COL12A1: variants seen among roughly 807,000 people sequenced by gnomAD.
COL12A1 encodes the protein collagen alpha-1(XII) chain.
Under a neutral mutation model 349.7 loss-of-function variants are expected in COL12A1, and 114 were observed. The observed-to-expected ratio is 0.33, with a 90% CI of 0.28 to 0.38. The LOEUF (loss-of-function observed/expected upper bound fraction) is 0.38, where lower values mean the gene tolerates loss of function less well. Ranked by LOEUF, COL12A1 falls within the 10% of genes least tolerant of loss-of-function variation. The pLI is 1.00. For missense variants in COL12A1, 3,284 were observed against 3,756.9 expected (o/e 0.87, Z 3.29); for synonymous variants, 1,369 against 1,329.0 (o/e 1.03, Z -0.66).
intron 16 of COL12A1, 132 bp from the exon 17 acceptor site, chr6:75,154,669 T>A: frequency 1.2e-6 from 1 of 833,642 alleles, no homozygotes; most frequent in East Asian, 3.1e-5. Flanking sequence ...GTGTACAACA[T>A]TATAAGAGAA....
In COL12A1 at chr6:75,137,439, T is replaced by A; in HGVS notation, c.5392A>T (p.Thr1798Ser). ...QPSTGEGNEQ[T>S]TTIGGRQNSV... ...TATAATTTTTATTAAAAAATTACCG[T>A]TTGCTCATTGCCTTCCCCTGTGGAA... The change falls in exon 31 of 66, where the codon ACG (threonine) becomes TCG (serine). Residue 1798 changes from threonine to serine, a missense_variant and splice_region_variant. By Grantham distance (58) the Thr-to-Ser change is moderately conservative (BLOSUM62 1). This residue lies in a region of COL12A1 where 2,601 missense variants were observed against 2,824.8 expected (regional missense o/e 0.92). Coordinates refer to ENST00000322507, the MANE Select transcript of COL12A1 (RefSeq NM_004370.6). 6.3e-7 allele frequency: 1 copy of A among 1,585,248 alleles called. No homozygotes were observed. Among genetic ancestry groups the A allele is most frequent in the Non-Finnish European group, 8.5e-7 (1 of 1,170,726 alleles).
intron 27 of COL12A1, 42 bp from the exon 28 acceptor site, chr6:75,139,003 A>G: frequency 6.2e-7 from 1 of 1,607,970 alleles, no homozygotes; most frequent in Non-Finnish European, 8.5e-7. Context: ...TTTGAATGTG[A>G]GCTGCAAATG....
intron 63 of COL12A1, among the ~76,000 whole-genome samples, chr6:75,089,416 T>C (rs1293151731): frequency 6.6e-6 from 1 of 152,226 alleles, no homozygotes; most frequent in Non-Finnish European, 1.5e-5. Context: ...CAAACAAACA[T>C]GTCTAATATA....
At position 75,148,517 on chromosome 6, in the gene COL12A1, G is replaced by T. The variant is rs1767317341; in HGVS notation, c.4148-20C>A. 3 of 1,603,156 alleles carry T rather than the reference G, an allele frequency of 1.9e-6. No homozygotes were observed. Among genetic ancestry groups the T allele is most frequent in the East Asian group, 2.2e-5 (1 of 44,750 alleles). Reference sequence around the variant, plus strand: ...AATCACCTACACATGGAAATAAAGGGTATACACTTTTCTCATTATTGTAGA... The same window carrying T: ...AATCACCTACACATGGAAATAAAGGTTATACACTTTTCTCATTATTGTAGA... On this transcript the variant is annotated intron_variant, in intron 21 of 65. Coordinates refer to ENST00000322507, the MANE Select transcript of COL12A1 (RefSeq NM_004370.6).
At chr6:75,178,388 T>C (rs984965963) in intron 11 of COL12A1, among the ~76,000 whole-genome samples, 2 of 152,188 alleles carry the variant, frequency 1.3e-5, no homozygotes, top group Middle Eastern at 3.2e-3. Flanking sequence ...CCAAACCGTC[T>C]TATCCAGTCC....
intron 2 of COL12A1, among the ~76,000 whole-genome samples, chr6:75,200,929 G>T (rs2149490637): frequency 1.3e-5 from 2 of 148,558 alleles, no homozygotes; most frequent in Admixed American, 1.3e-4. Flanking sequence ...TACAAGAAAA[G>T]ACACAGATTA....
intron 31 of COL12A1, 54 bp downstream of exon 31, chr6:75,137,382 GT>G (rs1252272677): frequency 1.4e-5 from 21 of 1,476,394 alleles, no homozygotes; most frequent in Non-Finnish European, 1.8e-5. Context: ...GGGAAAAAGA[GT>G]TTGAAGAGAA....
chr6:75,094,986 T>A (rs923666464), intron 60 of COL12A1, 122 bp downstream of exon 60: 1 of 863,330 alleles, frequency 1.2e-6, no homozygotes, highest in Admixed American at 3.0e-5. Context: ...TTAGCATGGT[T>A]TCAACAAATG....
intron 2 of COL12A1, among the ~76,000 whole-genome samples, chr6:75,198,261 T>G (rs978213950): frequency 1.4e-4 from 22 of 152,258 alleles, no homozygotes; most frequent in African/African-American, 5.3e-4. Flanking sequence ...AATCAGACCT[T>G]GGCAATGACC....
chr6:75,151,082 AATT>A, intron 21 of COL12A1, 56 bp downstream of exon 21: 1 of 823,286 alleles, frequency 1.2e-6, no homozygotes, highest in Admixed American at 2.7e-5. Flanking sequence ...CCAAAAGAAT[AATT>A]ATTTGGCCCA....
At chr6:75,165,190 A>C (rs937244658) in intron 14 of COL12A1, among the ~76,000 whole-genome samples, 1 of 152,114 alleles carries the variant, frequency 6.6e-6, no homozygotes, top group African/African-American at 2.4e-5. Context: ...CAGCTATACA[A>C]ATGTGCCCAA....
intron 12 of COL12A1, 80 bp from the exon 13 acceptor site, chr6:75,175,390 G>T: frequency 6.8e-7 from 1 of 1,468,074 alleles, no homozygotes; most frequent in Non-Finnish European, 9.2e-7. Context: ...CTTTACTTAT[G>T]CATGTGCACT....
At chr6:75,123,917 T>A (rs1765875595) in intron 42 of COL12A1, 31 bp downstream of exon 42, 3 of 1,589,950 alleles carry the variant, frequency 1.9e-6, no homozygotes, top group Admixed American at 1.7e-5. Context: ...TAAAGCCTTA[T>A]GAAAGCTTTC....
At chr6:75,129,243 A>G (rs1178167142) in intron 37 of COL12A1, among the ~76,000 whole-genome samples, 1 of 152,186 alleles carries the variant, frequency 6.6e-6, no homozygotes, top group Admixed American at 6.6e-5. Context: ...TGGTAGTTAC[A>G]TGTGTTTCTT....
At chr6:75,108,093 T>A (rs975973506) in intron 52 of COL12A1, among the ~76,000 whole-genome samples, 3 of 152,156 alleles carry the variant, frequency 2.0e-5, no homozygotes, top group African/African-American at 7.2e-5. Context: ...ATTGATTGAT[T>A]GATTGAGACA....
chr6:75,173,181 T>G (rs1768728103), intron 13 of COL12A1, among the ~76,000 whole-genome samples: 1 of 152,210 alleles, frequency 6.6e-6, no homozygotes, highest in Non-Finnish European at 1.5e-5. Context: ...GGGAGGATAA[T>G]CATCCCTTCT....
At chr6:75,095,268 T>A (rs1767951649) in intron 59 of COL12A1, 89 bp from the exon 60 acceptor site, 3 of 937,518 alleles carry the variant, frequency 3.2e-6, no homozygotes, top group Admixed American at 5.0e-5. Flanking sequence ...TAAACGCGTT[T>A]AAATGAAACA....
intron 2 of COL12A1, 63 bp downstream of exon 2, chr6:75,202,657 A>C (rs1054664283): frequency 6.9e-7 from 1 of 1,446,032 alleles, no homozygotes. Context: ...AGCAAGAAAG[A>C]TGTGTTTTTT....
chr6:75,122,762 T>C (rs528686328), intron 43 of COL12A1, among the ~76,000 whole-genome samples: 1 of 152,354 alleles, frequency 6.6e-6, no homozygotes, highest in South Asian at 2.1e-4. Flanking sequence ...ACAGTAGTTA[T>C]TTAACTAAAT....
Sources: allele counts gnomAD v4.1 joint callset (sites outside exome capture counted in the v4.1 genomes callset), GRCh38; gene constraint gnomAD v4.1.1; regional missense constraint gnomAD v4.1.1; transcripts MANE v1.5; gene names NCBI Gene and HGNC (gene_info 2026-07-23, HGNC 2026-07-21).